The following ALOX15B variants were observed in gnomAD, a reference collection of about 807,000 sequenced individuals.
The protein encoded by ALOX15B is arachidonate 15-lipoxygenase type B.
A neutral mutation model predicts 73.8 loss-of-function variants in ALOX15B; 74 were observed. The observed-to-expected ratio is 1.00, with a 90% confidence interval of 0.83 to 1.22. The LOEUF (loss-of-function observed/expected upper bound fraction) is 1.22, where lower values mean the gene tolerates loss of function less well. Ranked by LOEUF, ALOX15B falls within the 50% of genes most tolerant of loss-of-function variation. The pLI is 0.00. For synonymous variants in ALOX15B, 353 were observed against 357.2 expected, an observed-to-expected ratio of 0.99 and a Z score of 0.13; for missense variants, 896 against 859.9, an observed-to-expected ratio of 1.04 and a Z score of -0.52.
At position 8,042,761 on chromosome 17, in the gene ALOX15B, C is replaced by A; in HGVS notation, c.573-20C>A. 6.5e-7 allele frequency: 1 copy of A among 1,545,154 alleles called. No individual in the cohort carries two copies. The highest frequency in any genetic ancestry group is 1.4e-5 in the African/African-American group (1 of 73,254). ...CCCAGGGCCTCCTCCCCACTCCCCA[C>A]CCCTCACATCCCCTGGCAGTTTTGC... is the stretch of plus-strand genomic sequence containing the variant. On this transcript the variant is annotated intron_variant, in intron 4 of 13. Transcript: ENST00000380183.
chr17:8,045,396 G>A lies in ALOX15B; in HGVS notation c.996+12G>A, dbSNP rs571991119. 50 of 1,613,944 alleles carry A rather than the reference G, an allele frequency of 3.1e-5. 1 individual carries two copies. In the South Asian group the frequency reaches 4.8e-4, roughly 16 times the overall value. On this transcript the variant is annotated intron_variant, in intron 7 of 13. Transcript: ENST00000380183. ...CTCTCGCCATCCAGGTATGCAGTCA[G>A]GCAGGGGCAGGGCAGCGTGAAGAAG...
rs767803050 is a variant in ALOX15B at position 8,047,564 on chromosome 17, G to C, written c.1580G>C (p.Gly527Ala). The C allele has an allele frequency of 6.3e-6, 10 of 1,599,994 alleles. No homozygotes were observed. Among genetic ancestry groups the C allele is most frequent in the Non-Finnish European group, 8.5e-6 (10 of 1,173,260 alleles). Residue 527 changes from glycine (G) to alanine (A), a missense_variant and splice_region_variant, in exon 12 of 14, where the codon GGT becomes GCT. Transcript: ENST00000380183. The stretch of plus-strand genomic sequence containing the variant: ...CATCCCAGCCCAGCTCTCCTTGCAG[G>C]TATACCCTCCTCACTGGAGACCCGG... ...SKGFLNQESS[G>A]IPSSLETREA...
Position 8,039,276 on chromosome 17 carries a change from C to T in ALOX15B, c.121C>T (p.Leu41Phe). Residue 41 changes from leucine (L) to phenylalanine (F), a missense_variant, in exon 1 of 14, where the codon CTC (leucine) becomes TTC (phenylalanine). Leu to Phe is a conservative substitution (Grantham distance 22, BLOSUM62 0). Transcript: ENST00000380183. ...GESPPLPLDN[L>F]GKEFTAGAEE... ...GAGCCCCCCACTGCCCCTGGACAAT[C>T]TCGGCAAGGAGTTCACTGCGGGCGC... 6.3e-7 allele frequency: 1 copy of T among 1,590,130 alleles called. No homozygotes were observed. Among genetic ancestry groups the T allele is most frequent in the Non-Finnish European group, 8.6e-7 (1 of 1,167,178 alleles).
Position 8,047,839 on chromosome 17 carries a change from C to A in ALOX15B, c.1775C>A (p.Ala592Asp). 6.2e-7 allele frequency: 1 copy of A among 1,614,182 alleles called. No individual in the cohort carries two copies. The highest frequency in any genetic ancestry group is 8.5e-7 in the Non-Finnish European group (1 of 1,180,034). Reference sequence around the variant, plus strand: ...CTGGCAACATGCGAGGGCTTCATAGCCACCCTCCCACCTGTCAATGCCACA... The same window carrying A: ...CTGGCAACATGCGAGGGCTTCATAGACACCCTCCCACCTGTCAATGCCACA... ...KGLATCEGFIATLPPVNATCD... is the reference protein window; with the variant it reads ...KGLATCEGFIDTLPPVNATCD... The change falls in exon 13 of 14, where the codon GCC becomes GAC. Residue 592 changes from alanine (A) to aspartate (D), a missense_variant. By Grantham distance (126) the Ala-to-Asp change is moderately radical. Coordinates refer to ENST00000380183, the MANE Select transcript of ALOX15B (RefSeq NM_001141.3).
chr17:8,039,763 G>A lies in ALOX15B; in HGVS notation c.368-139G>A, dbSNP rs182940148. 6.8e-6 allele frequency: 8 copies of A among 1,182,942 alleles called. No homozygotes were observed. In the South Asian group the frequency reaches 1.0e-4, roughly 15 times the overall value. The allele number at this position is 1,182,942 out of a possible 1,614,324, so 73.3% of individuals were successfully genotyped here. A position where few individuals can be genotyped will look rare whatever the true frequency, so the allele number is the denominator to read the frequency against. ...ATGGCGGAGCCTTGGGGAGCGGGAG[G>A]TAGCAGCCTGGTGTAGGAGAAACTG... is the stretch of plus-strand genomic sequence containing the variant. On this transcript the variant is annotated intron_variant, in intron 2 of 13. Transcript: ENST00000380183.
At chr17:8,045,139 A>G in intron 6 of ALOX15B, 99 bp from the exon 7 acceptor site, 1 of 1,595,946 alleles carries the variant, frequency 6.3e-7, no homozygotes, top group Non-Finnish European at 8.6e-7. Context: ...CTCTCCCGAA[A>G]CACACTCCTC....
At position 8,045,574 on chromosome 17, in the gene ALOX15B, C is replaced by A; in HGVS notation, c.1088C>A (p.Ala363Asp). The A allele has an allele frequency of 6.2e-7, 1 of 1,614,192 alleles. No individual in the cohort carries two copies. The highest frequency in any genetic ancestry group is 8.5e-7 in the Non-Finnish European group (1 of 1,180,028). Residue 363 changes from alanine to aspartate, a missense_variant, in exon 8 of 14, where the codon GCC becomes GAC. Transcript: ENST00000380183. ...WLLAKTWVRN[A>D]EFSFHEALTH... ...CTGGCCAAGACCTGGGTGCGCAATG[C>A]CGAGTTCTCCTTCCATGAGGCCCTC...
chr17:8,044,619 C>T (rs1976554758), intron 5 of ALOX15B, among the ~76,000 whole-genome samples: 1 of 152,012 alleles, frequency 6.6e-6, no homozygotes, highest in Admixed American at 6.6e-5. Flanking sequence ...GTCAGGCAGA[C>T]ACTGGGATGC....
chr17:8,042,424 GA>G lies in ALOX15B; in HGVS notation c.506del (p.Asp169AlafsTer27). 6.2e-7 allele frequency: 1 copy of G among 1,614,106 alleles called. No homozygotes were observed. The highest frequency in any genetic ancestry group is 8.5e-7 in the Non-Finnish European group (1 of 1,180,034). ...PHCLDEKTVEDLELNIKYSTA... is the reference protein window; with the variant it reads ...PHCLDEKTVEXLELNIKYSTA... ...CTGCCTGGATGAAAAGACAGTGGAA[GA>G]CTTGGAGCTCAATATCAAATACTCC... On this transcript the variant is annotated frameshift_variant, in exon 4 of 14. Transcript: ENST00000380183. LOFTEE classifies it high-confidence loss of function.
chr17:8,040,011 G>T (rs1267334784), intron 3 of ALOX15B, 28 bp downstream of exon 3: 1 of 1,606,076 alleles, frequency 6.2e-7, no homozygotes, highest in Non-Finnish European at 8.5e-7. Flanking sequence ...GATGGGGGAG[G>T]GTGTGCCCAA....
chr17:8,039,725 C>A, intron 2 of ALOX15B, 120 bp downstream of exon 2: 2 of 1,231,472 alleles, frequency 1.6e-6, no homozygotes, highest in Non-Finnish European at 1.1e-6. Context: ...GAGTAGCGGG[C>A]AGAGGAGAGG....
intron 3 of ALOX15B, among the ~76,000 whole-genome samples, chr17:8,040,804 A>C (rs1976445272): frequency 6.6e-6 from 1 of 152,074 alleles, no homozygotes; most frequent in African/African-American, 2.4e-5. Context: ...CTCACCCTCC[A>C]GGGCTAGCAA....
intron 3 of ALOX15B, among the ~76,000 whole-genome samples, chr17:8,041,036 G>T (rs1426275860): frequency 6.6e-6 from 1 of 152,224 alleles, no homozygotes; most frequent in Non-Finnish European, 1.5e-5. Flanking sequence ...TGGTCTGTGG[G>T]ATCAGAGCAG....
rs570713384 is a variant in ALOX15B at position 8,039,980 on chromosome 17, A to G, written c.446A>G (p.Tyr149Cys). 1.1e-5 allele frequency: 18 copies of G among 1,613,100 alleles called. No homozygotes were observed. The highest frequency in any genetic ancestry group is 1.5e-5 in the Non-Finnish European group (18 of 1,179,592). ...GAGCTTCAGGCCCGGCAGGAGATGT[A>G]CCAGTGAGGAGGGGGTTACTGATGG... Reference protein sequence around the residue: ...QEELQARQEMYQWKAYNPGWP... With the variant: ...QEELQARQEMCQWKAYNPGWP... The change falls in exon 3 of 14, where the codon TAC becomes TGC. Residue 149 changes from tyrosine to cysteine, a missense_variant. Transcript: ENST00000380183.
chr17:8,045,528 G>GATGACAAGTGGGACTGGTTGCTGGCC lies in ALOX15B; in HGVS notation c.1044_1069dup (p.Lys357MetfsTer55). 6.2e-7 allele frequency: 1 copy of GATGACAAGTGGGACTGGTTGCTGGCC among 1,614,164 alleles called. No individual in the cohort carries two copies. The highest frequency in any genetic ancestry group is 8.5e-7 in the Non-Finnish European group (1 of 1,180,028). On this transcript the variant is annotated frameshift_variant, in exon 8 of 14. Transcript: ENST00000380183. LOFTEE classifies it high-confidence loss of function. ...AAACAGCCCCATCTTCCTGCCCACT[G>GATGACAAGTGGGACTGGTTGCTGGCC]ATGACAAGTGGGACTGGTTGCTGGC...
chr17:8,044,939 G>C lies in ALOX15B; in HGVS notation c.787G>C (p.Val263Leu). ...TCACTACCTCCCAAAGAACTTCCCC[G>C]TCACTGATGCCATGGTGGCCTCAGT... ...RCHYLPKNFP[V>L]TDAMVASVLG... Residue 263 changes from valine to leucine, a missense_variant, in exon 6 of 14, where the codon GTC (valine) becomes CTC (leucine). By Grantham distance (32) the Val-to-Leu change is conservative. Transcript: ENST00000380183. 1 of 1,614,004 alleles carries C rather than the reference G, an allele frequency of 6.2e-7. No homozygotes were observed. Among genetic ancestry groups the C allele is most frequent in the South Asian group, 1.1e-5 (1 of 91,074 alleles).
intron 4 of ALOX15B, 45 bp from the exon 5 acceptor site, chr17:8,042,736 C>T (rs1230163909): frequency 6.6e-7 from 1 of 1,514,060 alleles, no homozygotes; most frequent in South Asian, 1.2e-5. Context: ...GGAAGGGTCT[C>T]CCAGGGCCTC....
chr17:8,039,994 G>T lies in ALOX15B; in HGVS notation c.449+11G>T. 1 of 1,612,424 alleles carries T rather than the reference G, an allele frequency of 6.2e-7. No individual in the cohort carries two copies. The highest frequency in any genetic ancestry group is 2.2e-5 in the East Asian group (1 of 44,864). On this transcript the variant is annotated intron_variant, in intron 3 of 13. Transcript: ENST00000380183. ...GCAGGAGATGTACCAGTGAGGAGGG[G>T]GTTACTGATGGGGGAGGGTGTGCCC...
At chr17:8,047,539 C>T in intron 11 of ALOX15B, 25 bp from the exon 12 acceptor site, 6 of 1,580,578 alleles carry the variant, frequency 3.8e-6, no homozygotes, top group Non-Finnish European at 5.2e-6. Flanking sequence ...CTGGAAGCCC[C>T]ATCCCAGCCC....
Sources: gnomAD v4.1 joint callset for allele counts (sites outside exome capture counted in the v4.1 genomes callset) on GRCh38, gnomAD v4.1.1 for gene constraint, MANE v1.5 for transcripts, NCBI Gene and HGNC (gene_info 2026-07-23, HGNC 2026-07-21) for gene names.